Variants in SPOCK3 observed in about 807,000 individuals in gnomAD.
The protein encoded by SPOCK3 is testican-3.
Under a neutral mutation model 56.6 loss-of-function variants are expected in SPOCK3, and 30 were observed. The observed-to-expected ratio is 0.53, with a 90% CI of 0.40 to 0.72. The LOEUF is 0.72. Among genes scored for constraint, SPOCK3 ranks in the 30% least tolerant of loss-of-function variants. The pLI is 0.00. For synonymous variants in SPOCK3, 196 were observed against 183.3 expected (o/e 1.07, Z -0.56); for missense variants, 527 against 530.0 (o/e 0.99, Z 0.06).
chr4:166,820,811 C>T (rs970030359), intron 6 of SPOCK3, among the ~76,000 whole-genome samples: 18 of 151,684 alleles, frequency 1.2e-4, no homozygotes, highest in Middle Eastern at 3.4e-3. Flanking sequence ...GAGTAAGACC[C>T]GTCTCAAAAT....
chr4:166,955,770 T>C (rs1054380248), intron 4 of SPOCK3, among the ~76,000 whole-genome samples: 2 of 151,672 alleles, frequency 1.3e-5, no homozygotes, highest in South Asian at 4.1e-4. Flanking sequence ...TGTCCCTTGA[T>C]ACATTGTTTC....
chr4:167,154,719 C>G (rs1764678815), intron 2 of SPOCK3, among the ~76,000 whole-genome samples: 1 of 152,164 alleles, frequency 6.6e-6, no homozygotes, highest in South Asian at 2.1e-4. Context: ...TCTTGTAAAT[C>G]AATCTTCACA....
chr4:167,055,184 T>C lies in SPOCK3; in HGVS notation c.235+7308A>G, dbSNP rs976257522. On this transcript the variant is annotated intron_variant, in intron 3 of 10. Coordinates refer to ENST00000357545, the MANE Select transcript of SPOCK3 (RefSeq NM_001040159.2). ...AATGAAAAAGGGGAAAATCAACTTA[T>C]AGTGATCTAATATGGATGTCCATAA... 3.3e-5 allele frequency among the ~76,000 whole-genome samples: 5 copies of C among 152,344 alleles called. No homozygotes were observed. The South Asian group carries it at 6.2e-4, about 19-fold the overall frequency.
Position 167,139,951 on chromosome 4 carries a change from A to G in SPOCK3, c.190-77414T>C, listed in dbSNP as rs996010508. On this transcript the variant is annotated intron_variant, in intron 2 of 10. Transcript: ENST00000357545. ...AAGTTTTATACTTCCACCAAGAAGT[A>G]GGCAGCCCCTCTTACCCTCCTGGAC... 3.3e-5 allele frequency among the ~76,000 whole-genome samples: 5 copies of G among 151,894 alleles called. No individual in the cohort carries two copies. The South Asian group carries it at 8.3e-4, about 25-fold the overall frequency.
At chr4:166,930,219 G>T (rs1174814306) in intron 4 of SPOCK3, among the ~76,000 whole-genome samples, 1 of 151,880 alleles carries the variant, frequency 6.6e-6, no homozygotes, top group Non-Finnish European at 1.5e-5. Context: ...AAATTACAAA[G>T]AAAACATATT....
intron 6 of SPOCK3, among the ~76,000 whole-genome samples, chr4:166,801,764 T>C (rs1560873493): frequency 6.6e-6 from 1 of 152,136 alleles, no homozygotes; most frequent in Admixed American, 6.5e-5. Context: ...GTAGTATAGG[T>C]ATGTAGCAAT....
chr4:166,842,241 G>C (rs978333944), intron 6 of SPOCK3, among the ~76,000 whole-genome samples: 3 of 152,200 alleles, frequency 2.0e-5, no homozygotes, highest in Admixed American at 6.5e-5. Flanking sequence ...ACTTCAGCAC[G>C]TTGCTTTTGC....
chr4:167,200,032 A>T (rs1020039795), intron 2 of SPOCK3, among the ~76,000 whole-genome samples: 3 of 152,124 alleles, frequency 2.0e-5, no homozygotes. Context: ...ATTACTATAT[A>T]GACAAGAAAG....
chr4:166,868,827 C>T (rs990661903), intron 6 of SPOCK3, among the ~76,000 whole-genome samples: 32 of 152,052 alleles, frequency 2.1e-4, no homozygotes, highest in Admixed American at 1.6e-3. Flanking sequence ...TTAAATTAAA[C>T]GGAATGGTCT....
At chr4:167,149,762 T>G (rs963916739) in intron 2 of SPOCK3, among the ~76,000 whole-genome samples, 1 of 151,972 alleles carries the variant, frequency 6.6e-6, no homozygotes, top group South Asian at 2.1e-4. Flanking sequence ...ATTATTAATG[T>G]ATGAGTTCCT....
At chr4:166,782,284 A>G (rs1740264095) in intron 7 of SPOCK3, among the ~76,000 whole-genome samples, 2 of 152,202 alleles carry the variant, frequency 1.3e-5, no homozygotes, top group Admixed American at 1.3e-4. Flanking sequence ...AGATACAGTA[A>G]CCCTAAATGT....
chr4:167,105,759 G>A (rs1426295013), intron 2 of SPOCK3, among the ~76,000 whole-genome samples: 1 of 151,620 alleles, frequency 6.6e-6, no homozygotes, highest in East Asian at 1.9e-4. Flanking sequence ...TGCTTTACCT[G>A]TAAAGACACA....
chr4:166,784,145 C>A (rs1391949467), intron 7 of SPOCK3, among the ~76,000 whole-genome samples: 1 of 151,962 alleles, frequency 6.6e-6, no homozygotes, highest in East Asian at 1.9e-4. Context: ...TAAAAAATAG[C>A]CAATGCTGAT....
chr4:166,850,156 C>A (rs1443850118), intron 6 of SPOCK3, among the ~76,000 whole-genome samples: 4 of 152,132 alleles, frequency 2.6e-5, no homozygotes, highest in Non-Finnish European at 5.9e-5. Context: ...TTAGGAACTG[C>A]CATATTGTTT....
At chr4:167,093,535 A>AT (rs1271978546) in intron 2 of SPOCK3, among the ~76,000 whole-genome samples, 1 of 152,102 alleles carries the variant, frequency 6.6e-6, no homozygotes, top group African/African-American at 2.4e-5. Flanking sequence ...GAGTGAGAAC[A>AT]TATGGTGTTT....
intron 2 of SPOCK3, among the ~76,000 whole-genome samples, chr4:167,197,710 T>A (rs1460278526): frequency 6.6e-6 from 1 of 152,194 alleles, no homozygotes; most frequent in Non-Finnish European, 1.5e-5. Context: ...CAATTAGCTA[T>A]TTCCACTTCC....
chr4:166,874,222 G>C (rs1435860180), intron 6 of SPOCK3, among the ~76,000 whole-genome samples: 1 of 152,098 alleles, frequency 6.6e-6, no homozygotes, highest in African/African-American at 2.4e-5. Context: ...ACCCCACCAT[G>C]TATACAGCAT....
intron 2 of SPOCK3, among the ~76,000 whole-genome samples, chr4:167,212,023 C>A (rs972624473): frequency 2.6e-5 from 4 of 152,054 alleles, no homozygotes; most frequent in Non-Finnish European, 4.4e-5. Flanking sequence ...AATCTCTGAC[C>A]ACTATTATCT....
At chr4:166,943,605 G>A (rs1343131256) in intron 4 of SPOCK3, among the ~76,000 whole-genome samples, 1 of 152,112 alleles carries the variant, frequency 6.6e-6, no homozygotes. Flanking sequence ...GGGGAAAAAT[G>A]TTTAAGGAAA....
Sources: gnomAD v4.1 joint callset for allele counts (sites outside exome capture counted in the v4.1 genomes callset) on GRCh38, gnomAD v4.1.1 for gene constraint, MANE v1.5 for transcripts, NCBI Gene and HGNC (gene_info 2026-07-23, HGNC 2026-07-21) for gene names.